ATRNL1: variants seen among roughly 807,000 people sequenced by gnomAD.
The protein encoded by ATRNL1 is attractin-like protein 1.
ATRNL1 carries 95 observed loss-of-function variants against 182.7 expected under a neutral mutation model. That is an observed-to-expected ratio of 0.52 (90% CI 0.44 to 0.62). The LOEUF is 0.62. ATRNL1 is among the 20% of genes least tolerant of loss of function. ATRNL1 has a pLI of 0.00. For synonymous variants in ATRNL1, 576 were observed against 568.3 expected (o/e 1.01, Z -0.19); for missense variants, 1,471 against 1,679.5 (o/e 0.88, Z 2.17).
At position 115,552,845 on chromosome 10, in the gene ATRNL1, C is replaced by T. The variant is rs369333725; in HGVS notation, c.3795+3309C>T. 3.2e-4 allele frequency among the ~76,000 whole-genome samples: 49 copies of T among 151,268 alleles called. 1 individual carries two copies. In the South Asian group the frequency reaches 8.1e-3, roughly 25 times the overall value. ...AAGATGAAAACTTTCTTTTGGGATGCGCTAATGAATGGAAACAATAAGTGT... is the reference window on the plus strand; with the variant it reads ...AAGATGAAAACTTTCTTTTGGGATGTGCTAATGAATGGAAACAATAAGTGT... On this transcript the variant is annotated intron_variant, in intron 26 of 28. Coordinates refer to ENST00000355044, the MANE Select transcript of ATRNL1 (RefSeq NM_207303.4).
intron 19 of ATRNL1, among the ~76,000 whole-genome samples, chr10:115,392,802 G>GT (rs1259936737): frequency 1.3e-5 from 2 of 152,156 alleles, no homozygotes; most frequent in African/African-American, 4.8e-5. Flanking sequence ...TCAGTTTTCA[G>GT]TTGAAGTCCT....
intron 28 of ATRNL1, among the ~76,000 whole-genome samples, chr10:115,895,372 C>T (rs1368367943): frequency 6.6e-6 from 1 of 152,194 alleles, no homozygotes; most frequent in Admixed American, 6.5e-5. Flanking sequence ...TCAGCTGCCG[C>T]AAGGTTAGGC....
chr10:115,231,562 G>A (rs532525280), intron 9 of ATRNL1, among the ~76,000 whole-genome samples: 1 of 152,230 alleles, frequency 6.6e-6, no homozygotes, highest in East Asian at 1.9e-4. Context: ...ATGTTTGTAG[G>A]TTGACAGGAA....
At chr10:115,644,433 T>G (rs1183995619) in intron 26 of ATRNL1, among the ~76,000 whole-genome samples, 2 of 152,176 alleles carry the variant, frequency 1.3e-5, no homozygotes, top group African/African-American at 2.4e-5. Context: ...TAAACTCATT[T>G]TTACAGAAGA....
intron 27 of ATRNL1, among the ~76,000 whole-genome samples, chr10:115,833,797 C>G (rs1422156036): frequency 6.6e-6 from 1 of 152,148 alleles, no homozygotes; most frequent in African/African-American, 2.4e-5. Context: ...ACCCTCTATC[C>G]AATACAAACT....
intron 19 of ATRNL1, among the ~76,000 whole-genome samples, chr10:115,352,477 TTTTA>T (rs1554941699): frequency 6.6e-6 from 1 of 152,180 alleles, no homozygotes; most frequent in Non-Finnish European, 1.5e-5. Flanking sequence ...GTGATTCTAT[TTTTA>T]TTTGTTTCAA....
chr10:115,831,935 T>A (rs1458920345), intron 27 of ATRNL1, among the ~76,000 whole-genome samples: 1 of 151,840 alleles, frequency 6.6e-6, no homozygotes, highest in East Asian at 1.9e-4. Context: ...AGAAAAAGAG[T>A]ATAATTAAAT....
intron 8 of ATRNL1, among the ~76,000 whole-genome samples, chr10:115,189,394 G>T (rs544760093): frequency 3.3e-5 from 5 of 152,134 alleles, no homozygotes; most frequent in African/African-American, 1.2e-4. Flanking sequence ...CCAGAAGAAG[G>T]CATTATTATC....
intron 12 of ATRNL1, 152 bp from the exon 13 acceptor site, chr10:115,268,174 A>G: frequency 1.7e-6 from 1 of 599,756 alleles, no homozygotes; most frequent in Non-Finnish European, 3.0e-6. Flanking sequence ...AGTTGTCTTA[A>G]TCTTTAGAAA....
chr10:115,742,333 A>G lies in ATRNL1; in HGVS notation c.3903+14978A>G, dbSNP rs570750847. Among the ~76,000 whole-genome samples, 40 of 152,300 alleles carry G rather than the reference A, an allele frequency of 2.6e-4. No homozygotes were observed. The South Asian group carries it at 5.0e-3, about 19-fold the overall frequency. On this transcript the variant is annotated intron_variant, in intron 27 of 28. Coordinates refer to ENST00000355044, the MANE Select transcript of ATRNL1 (RefSeq NM_207303.4). Reference sequence around the variant, plus strand: ...AAGGATCAAGAAGTCAAGTAGAAGTATTAATTTTAGAAAGATGAAAAAGGA... The same window carrying G: ...AAGGATCAAGAAGTCAAGTAGAAGTGTTAATTTTAGAAAGATGAAAAAGGA...
intron 14 of ATRNL1, among the ~76,000 whole-genome samples, chr10:115,282,405 C>T (rs1315934195): frequency 7.9e-5 from 12 of 151,162 alleles, no homozygotes; most frequent in African/African-American, 2.4e-4. Context: ...CTATCCCTCC[C>T]CCCTCTCCCC....
At chr10:115,159,016 A>T (rs1330494611) in intron 5 of ATRNL1, among the ~76,000 whole-genome samples, 1 of 151,842 alleles carries the variant, frequency 6.6e-6, no homozygotes, top group Non-Finnish European at 1.5e-5. Context: ...TGGGAGAATT[A>T]TGTTGTCAAA....
At chr10:115,532,290 C>A (rs1490269756) in intron 25 of ATRNL1, among the ~76,000 whole-genome samples, 1 of 152,076 alleles carries the variant, frequency 6.6e-6, no homozygotes, top group Non-Finnish European at 1.5e-5. Context: ...TTCTTTGTGT[C>A]CTCTTTTATT....
At chr10:115,613,103 C>T (rs1023849102) in intron 26 of ATRNL1, among the ~76,000 whole-genome samples, 5 of 152,168 alleles carry the variant, frequency 3.3e-5, no homozygotes, top group Admixed American at 2.0e-4. Context: ...CCCTGTATCT[C>T]TGATTAATTT....
intron 26 of ATRNL1, among the ~76,000 whole-genome samples, chr10:115,713,709 T>TATC (rs372645054): frequency 0.21 from 15,236 of 72,502 alleles, 964 homozygotes; most frequent in Non-Finnish European, 0.28. Context: ...ATCTATCATC[T>TATC]ATCTATCTAT....
At chr10:115,683,423 T>C (rs1327123130) in intron 26 of ATRNL1, among the ~76,000 whole-genome samples, 9 of 152,010 alleles carry the variant, frequency 5.9e-5, no homozygotes, top group African/African-American at 2.2e-4. Flanking sequence ...AAGGAAAGCA[T>C]TATTTCTACC....
intron 16 of ATRNL1, 86 bp from the exon 17 acceptor site, chr10:115,301,769 C>T: frequency 8.4e-7 from 1 of 1,193,664 alleles, no homozygotes; most frequent in Non-Finnish European, 1.1e-6. Context: ...TGAAACATGC[C>T]CTGAACAGCA....
intron 26 of ATRNL1, among the ~76,000 whole-genome samples, chr10:115,719,520 T>C (rs1302709169): frequency 1.3e-5 from 2 of 152,234 alleles, no homozygotes; most frequent in Non-Finnish European, 2.9e-5. Context: ...GGATTGTCTA[T>C]GCTGGATCAT....
At chr10:115,584,213 T>C (rs551195257) in intron 26 of ATRNL1, among the ~76,000 whole-genome samples, 4 of 146,034 alleles carry the variant, frequency 2.7e-5, no homozygotes, top group African/African-American at 9.9e-5. Flanking sequence ...TAAAATTCTC[T>C]TTTTTGGTTG....
Sources: allele counts gnomAD v4.1 joint callset (sites outside exome capture counted in the v4.1 genomes callset), GRCh38; gene constraint gnomAD v4.1.1; transcripts MANE v1.5; gene names NCBI Gene and HGNC (gene_info 2026-07-23, HGNC 2026-07-21).